Variants in DGKB observed in about 807,000 individuals in gnomAD.
The protein encoded by DGKB is diacylglycerol kinase beta, also known as 90 kDa diacylglycerol kinase.
DGKB carries 67 observed loss-of-function variants against 114.3 expected under a neutral mutation model. The observed-to-expected ratio is 0.59, with a 90% CI of 0.48 to 0.72. The LOEUF (loss-of-function observed/expected upper bound fraction) is 0.72. DGKB is among the 30% of genes least tolerant of loss of function. The pLI is 0.00. For synonymous variants in DGKB, 398 were observed against 323.1 expected (o/e 1.23, Z -2.49); for missense variants, 907 against 975.2 (o/e 0.93, Z 0.93).
At chr7:14,719,646 C>A (rs1461667985) in intron 5 of DGKB, among the ~76,000 whole-genome samples, 1 of 152,024 alleles carries the variant, frequency 6.6e-6, no homozygotes, top group Non-Finnish European at 1.5e-5. Flanking sequence ...TAGCACAGAT[C>A]TACCTGACTG....
intron 1 of DGKB, among the ~76,000 whole-genome samples, 184 bp from the exon 2 acceptor site, chr7:14,841,634 C>T (rs144833211): frequency 1.2e-4 from 19 of 152,182 alleles, no homozygotes; most frequent in African/African-American, 4.3e-4. Flanking sequence ...TTACAAACTC[C>T]ACATTCCACG....
At chr7:14,510,928 G>A (rs145672662) in intron 20 of DGKB, among the ~76,000 whole-genome samples, 17 of 152,264 alleles carry the variant, frequency 1.1e-4, no homozygotes, top group African/African-American at 3.9e-4. Context: ...CTTATTTTCT[G>A]AGCAGTAGGT....
chr7:14,266,580 T>C (rs1797550147), intron 23 of DGKB, among the ~76,000 whole-genome samples: 1 of 152,234 alleles, frequency 6.6e-6, no homozygotes, highest in Non-Finnish European at 1.5e-5. Flanking sequence ...AAGAGGCATC[T>C]GTGTTTTTGA....
intron 13 of DGKB, among the ~76,000 whole-genome samples, chr7:14,631,316 C>A (rs377298518): frequency 2.1e-4 from 32 of 149,920 alleles, no homozygotes; most frequent in African/African-American, 7.8e-4. Flanking sequence ...TAGGTAAAAC[C>A]TGACACCCTC....
chr7:14,795,031 C>T lies in DGKB; in HGVS notation c.71-37300G>A, dbSNP rs145280295. ...AGACAATGCTGATTCTCTGCAGAACCGACTCTTTGCTTCTAGACCTATAAT... is the reference window on the plus strand; with the variant it reads ...AGACAATGCTGATTCTCTGCAGAACTGACTCTTTGCTTCTAGACCTATAAT... On this transcript the variant is annotated intron_variant, in intron 2 of 25. Coordinates refer to ENST00000402815, the MANE Select transcript of DGKB (RefSeq NM_001350709.2). Among the ~76,000 whole-genome samples the T allele has an allele frequency of 2.0e-5, 3 of 152,278 alleles. No homozygotes were observed. In the East Asian group the frequency reaches 5.8e-4, roughly 29 times the overall value.
At position 14,791,634 on chromosome 7, in the gene DGKB, A is replaced by C. The variant is rs183103249; in HGVS notation, c.71-33903T>G. 1.1e-4 allele frequency among the ~76,000 whole-genome samples: 17 copies of C among 152,250 alleles called. No individual in the cohort carries two copies. The East Asian group carries it at 3.3e-3, about 29-fold the overall frequency. ...AAGTTTTGTTTCTTGTTATTTTACA[A>C]ATGGGTGTTGGATTTTGTCAGATAC... On this transcript the variant is annotated intron_variant, in intron 2 of 25. Coordinates refer to ENST00000402815, the MANE Select transcript of DGKB (RefSeq NM_001350709.2).
rs1234724153 is a variant in DGKB, at chr7:14,806,715, G to C, written c.70+34479C>G. 1.2e-4 allele frequency among the ~76,000 whole-genome samples: 18 copies of C among 151,834 alleles called. 1 individual carries two copies. The highest frequency in any genetic ancestry group is 1.1e-3 in the Admixed American group (16 of 15,198). Reference sequence around the variant, plus strand: ...TAGACAATGAATATCTGTTATATTTGCCTATTTGGTATTCATAAGCTGCCC... The same window carrying C: ...TAGACAATGAATATCTGTTATATTTCCCTATTTGGTATTCATAAGCTGCCC... On this transcript the variant is annotated intron_variant, in intron 2 of 25. Coordinates refer to ENST00000402815, the MANE Select transcript of DGKB (RefSeq NM_001350709.2).
chr7:14,355,219 C>T (rs1324765753), intron 21 of DGKB, among the ~76,000 whole-genome samples: 1 of 151,878 alleles, frequency 6.6e-6, no homozygotes, highest in African/African-American at 2.4e-5. Context: ...TCCATTAAGT[C>T]AATCAATTGT....
chr7:14,851,062 T>C (rs1217922252), intron 1 of DGKB, among the ~76,000 whole-genome samples: 1 of 152,210 alleles, frequency 6.6e-6, no homozygotes, highest in Non-Finnish European at 1.5e-5. Flanking sequence ...GGTTATTTTC[T>C]CTTTGCTTTT....
At chr7:14,380,477 T>A (rs1191819028) in intron 21 of DGKB, among the ~76,000 whole-genome samples, 2 of 152,084 alleles carry the variant, frequency 1.3e-5, no homozygotes, top group Non-Finnish European at 2.9e-5. Context: ...TGGCAAAAGT[T>A]CCATTTAGCA....
At chr7:14,384,617 T>A (rs542671380) in intron 21 of DGKB, among the ~76,000 whole-genome samples, 1 of 152,318 alleles carries the variant, frequency 6.6e-6, no homozygotes, top group East Asian at 1.9e-4. Context: ...AGTTACTTAA[T>A]TATATAGCAG....
intron 23 of DGKB, among the ~76,000 whole-genome samples, chr7:14,312,736 G>A (rs960016754): frequency 2.2e-4 from 33 of 152,228 alleles, no homozygotes; most frequent in Admixed American, 2.0e-3. Context: ...GGTATCTTGG[G>A]GTAGTTGGCA....
intron 4 of DGKB, among the ~76,000 whole-genome samples, chr7:14,747,775 G>GCGCGCGCGCGCGCGCGCGCGCACACACA: frequency 6.7e-5 from 10 of 149,276 alleles, no homozygotes; most frequent in African/African-American, 2.5e-4. Context: ...ACATCCACGC[G>GCGCGCGCGCGCGCGCGCGCGCACACACA]CACGCACACA....
intron 1 of DGKB, among the ~76,000 whole-genome samples, chr7:14,858,338 TA>T (rs1850482883): frequency 6.6e-6 from 1 of 152,128 alleles, no homozygotes; most frequent in Non-Finnish European, 1.5e-5. Flanking sequence ...CCTTTGAAAA[TA>T]AATAGTAATA....
intron 1 of DGKB, among the ~76,000 whole-genome samples, chr7:14,874,308 T>C (rs187098378): frequency 3.1e-4 from 47 of 152,230 alleles, no homozygotes; most frequent in Admixed American, 5.9e-4. Context: ...TAAGCAGACA[T>C]ACATTTACAA....
chr7:14,862,891 C>G (rs1238357460), intron 1 of DGKB, among the ~76,000 whole-genome samples: 1 of 151,948 alleles, frequency 6.6e-6, no homozygotes. Context: ...TATTATATAG[C>G]CACAAAATTT....
rs986787424 is a variant in DGKB at position 14,328,787 on chromosome 7, A to T, written c.2122+9728T>A. The stretch of plus-strand genomic sequence containing the variant: ...AAATTAGTCATGTTTATCCATGTAG[A>T]TTTGTAATCTTACTGCAAATGTCTG... On this transcript the variant is annotated intron_variant, in intron 23 of 25. Transcript: ENST00000402815. 3.9e-5 allele frequency among the ~76,000 whole-genome samples: 6 copies of T among 152,148 alleles called. No individual in the cohort carries two copies. The East Asian group carries it at 1.2e-3, about 29-fold the overall frequency.
intron 23 of DGKB, among the ~76,000 whole-genome samples, chr7:14,276,247 T>A (rs749200700): frequency 2.0e-5 from 3 of 152,194 alleles, no homozygotes; most frequent in Non-Finnish European, 4.4e-5. Context: ...AGTAAATCTA[T>A]GCATCATTCT....
intron 4 of DGKB, among the ~76,000 whole-genome samples, chr7:14,736,650 T>A (rs1367456626): frequency 2.6e-5 from 4 of 152,196 alleles, no homozygotes; most frequent in Non-Finnish European, 5.9e-5. Flanking sequence ...TCACTAATGG[T>A]GATTATCGCT....
Sources: allele counts gnomAD v4.1 joint callset (sites outside exome capture counted in the v4.1 genomes callset), GRCh38; gene constraint gnomAD v4.1.1; transcripts MANE v1.5; gene names NCBI Gene and HGNC (gene_info 2026-07-23, HGNC 2026-07-21).